ALMS1: variants seen among roughly 807,000 people sequenced by gnomAD.
The protein encoded by ALMS1 is ALMS1 centrosome and basal body associated protein, also known as centrosome-associated protein ALMS1.
Under a neutral mutation model 352.2 loss-of-function variants are expected in ALMS1, and 271 were observed. The ratio of observed to expected loss-of-function variants is 0.77; its 90% CI spans 0.70 to 0.85. The LOEUF (loss-of-function observed/expected upper bound fraction) is 0.85. Ranked by LOEUF, ALMS1 falls within the 40% of genes least tolerant of loss-of-function variation. The probability of loss-of-function intolerance (pLI) is 0.00; values close to 1 mark genes in which losing one functional copy is unlikely to be tolerated. For synonymous variants in ALMS1, 1,865 were observed against 1,761.2 expected (o/e 1.06, Z -1.48); for missense variants, 5,445 against 4,870.7 (o/e 1.12, Z -3.51).
At chr2:73,400,948 G>A (rs879907403) in intron 1 of ALMS1, among the ~76,000 whole-genome samples, 7 of 152,096 alleles carry the variant, frequency 4.6e-5, no homozygotes, top group Non-Finnish European at 8.8e-5. Context: ...CACTATGCCC[G>A]GCTAATTTTT....
At chr2:73,484,768 T>A (rs905088413) in intron 9 of ALMS1, among the ~76,000 whole-genome samples, 3 of 152,206 alleles carry the variant, frequency 2.0e-5, no homozygotes, top group Non-Finnish European at 4.4e-5. Context: ...GAGGCTTTGC[T>A]CATTTCTTTT....
At chr2:73,600,325 C>T (rs1675648992) in intron 17 of ALMS1, among the ~76,000 whole-genome samples, 1 of 152,188 alleles carries the variant, frequency 6.6e-6, no homozygotes, top group East Asian at 1.9e-4. Flanking sequence ...ATCCTGTCTT[C>T]TGTCAGCCTC....
chr2:73,441,930 A>G (rs866845150), intron 7 of ALMS1, among the ~76,000 whole-genome samples: 45 of 152,244 alleles, frequency 3.0e-4, no homozygotes, highest in African/African-American at 1.1e-3. Flanking sequence ...ATATGGGGGA[A>G]GTGAGGTAAA....
intron 12 of ALMS1, among the ~76,000 whole-genome samples, chr2:73,548,571 T>G (rs528575473): frequency 6.6e-6 from 1 of 152,356 alleles, no homozygotes; most frequent in East Asian, 1.9e-4. Context: ...CACATGCTGC[T>G]GCTGGTGTGT....
chr2:73,474,291 T>G (rs1012960737), intron 9 of ALMS1, among the ~76,000 whole-genome samples: 13 of 152,126 alleles, frequency 8.5e-5, no homozygotes, highest in African/African-American at 2.9e-4. Flanking sequence ...TATTGATTTT[T>G]AAGTAAGTTT....
intron 12 of ALMS1, among the ~76,000 whole-genome samples, 181 bp downstream of exon 12, chr2:73,535,130 A>G (rs895758140): frequency 7.2e-5 from 11 of 152,190 alleles, no homozygotes; most frequent in Admixed American, 2.6e-4. Context: ...ACACATAAGC[A>G]TTTATAAATA....
At chr2:73,500,319 C>T (rs1285142203) in intron 10 of ALMS1, among the ~76,000 whole-genome samples, 1 of 152,208 alleles carries the variant, frequency 6.6e-6, no homozygotes, top group Non-Finnish European at 1.5e-5. Context: ...CTGTTCACAT[C>T]TGTTGTCTGT....
Position 73,385,915 on chromosome 2 carries a change from AG to A in ALMS1, c.49del (p.Glu17ArgfsTer24), listed in dbSNP as rs752032517. 1.1e-4 allele frequency: 89 copies of A among 825,136 alleles called. 1 individual carries two copies. In the African/African-American group the frequency reaches 1.4e-3, roughly 13 times the overall value. 51.1% of individuals were successfully genotyped at this position (825,136 alleles called of 1,614,324 possible). A position where few individuals can be genotyped will look rare whatever the true frequency, so the allele number is the denominator to read the frequency against. ...LPWPGELEEEEEEEEEEEEEE... is the reference protein window; with the variant it reads ...LPWPGELEEEXEEEEEEEEEE... ...TGGCCGGGCGAGCTGGAGGAGGAGG[AG>A]GAGGAGGAGGAGGAGGAGGAGGAGG... On this transcript the variant is annotated frameshift_variant, in exon 1 of 23. Coordinates refer to ENST00000613296, the MANE Select transcript of ALMS1 (RefSeq NM_001378454.1). LOFTEE classifies it high-confidence loss of function.
chr2:73,467,485 A>G (rs1013913452), intron 9 of ALMS1, among the ~76,000 whole-genome samples: 7 of 152,142 alleles, frequency 4.6e-5, no homozygotes, highest in African/African-American at 1.7e-4. Context: ...AGCAACTGGA[A>G]TAGTCATTTA....
At chr2:73,600,982 C>T (rs544076702) in intron 18 of ALMS1, 101 bp downstream of exon 18, 1 of 1,431,472 alleles carries the variant, frequency 7.0e-7, no homozygotes, top group South Asian at 1.3e-5. Context: ...GTGGTCCCCA[C>T]CTACCCCCAG....
At chr2:73,511,122 C>T (rs753619765) in intron 10 of ALMS1, among the ~76,000 whole-genome samples, 2 of 152,204 alleles carry the variant, frequency 1.3e-5, no homozygotes, top group African/African-American at 4.8e-5. Context: ...GCTTGCTGGA[C>T]TCCTTGGGGG....
Position 73,450,830 on chromosome 2 carries a change from C to T in ALMS1, c.4303C>T (p.Pro1435Ser), listed in dbSNP as rs1188394762. ...TACTTTCTACTCACACACAGAGAAGCCTGGTAGTTTCTACCAACAGGTCTT... is the reference window on the plus strand; with the variant it reads ...TACTTTCTACTCACACACAGAGAAGTCTGGTAGTTTCTACCAACAGGTCTT... The part of the protein sequence containing the change: ...PSTFYSHTEK[P>S]GSFYQQVLPH... Residue 1435 changes from proline to serine, a missense_variant, in exon 8 of 23, where the codon CCT becomes TCT. By Grantham distance (74) the Pro-to-Ser change is moderately conservative. Transcript: ENST00000613296. The T allele has an allele frequency of 1.9e-6, 3 of 1,614,066 alleles. No individual in the cohort carries two copies. Among genetic ancestry groups the T allele is most frequent in the Non-Finnish European group, 2.5e-6 (3 of 1,179,976 alleles).
chr2:73,507,412 C>A (rs528955245), intron 10 of ALMS1, among the ~76,000 whole-genome samples: 149 of 151,320 alleles, frequency 9.8e-4, no homozygotes, highest in Non-Finnish European at 1.9e-3. Context: ...TGGTCCTGGG[C>A]TTTTCTTGGT....
intron 2 of ALMS1, among the ~76,000 whole-genome samples, chr2:73,414,473 G>GTTTTTTTTTTTTTTTTTTTTTTTTTTC (rs61660489): frequency 3.0e-5 from 2 of 66,416 alleles, no homozygotes; most frequent in African/African-American, 4.3e-5. Flanking sequence ...CTTTTTTTCC[G>GTTTTTTTTTTTTTTTTTTTTTTTTTTC]TTTTTTTTTT....
In ALMS1 at chr2:73,450,232, C is replaced by T; in HGVS notation, c.3705C>T (p.Thr1235=). Residue 1235 remains threonine (T), a synonymous_variant, in exon 8 of 23, where the codon ACC becomes ACT. Transcript: ENST00000613296. ...ADQKTGTPTP[T]SASYSHTEKP... ...AGAAGACTGGGACACCAACTCCAAC[C>T]TCTGCTTCTTACTCACACACAGAGA... is the stretch of plus-strand genomic sequence containing the variant. 1 of 1,614,024 alleles carries T rather than the reference C, an allele frequency of 6.2e-7. No individual in the cohort carries two copies. Among genetic ancestry groups the T allele is most frequent in the Non-Finnish European group, 8.5e-7 (1 of 1,179,962 alleles).
intron 7 of ALMS1, among the ~76,000 whole-genome samples, chr2:73,436,308 G>A (rs1024047151): frequency 6.6e-6 from 1 of 152,108 alleles, no homozygotes; most frequent in Non-Finnish European, 1.5e-5. Context: ...TCCAAGATAT[G>A]CTCTTTGTCT....
At chr2:73,486,128 C>CT (rs958460160) in intron 9 of ALMS1, among the ~76,000 whole-genome samples, 4 of 151,518 alleles carry the variant, frequency 2.6e-5, no homozygotes, top group East Asian at 1.9e-4. Context: ...ATTGGATTGT[C>CT]TTTTTTTTCC....
At chr2:73,386,880 C>T (rs943357589) in intron 1 of ALMS1, among the ~76,000 whole-genome samples, 1 of 152,148 alleles carries the variant, frequency 6.6e-6, no homozygotes, top group Non-Finnish European at 1.5e-5. Flanking sequence ...CCTTACCCCC[C>T]TTTTTTTAAC....
rs527321835 is a variant in ALMS1, at chr2:73,419,470, T to G, written c.646+152T>G. On this transcript the variant is annotated intron_variant, in intron 3 of 22. Transcript: ENST00000613296. The stretch of plus-strand genomic sequence containing the variant: ...CTTATTTCTGTTTTGTTTGTTTGTT[T>G]GTTTTTTACTGGCTAGCTGATCTAA... The G allele has an allele frequency of 1.1e-5, 8 of 714,984 alleles. No individual in the cohort carries two copies. The African/African-American group carries it at 1.4e-4, about 13-fold the overall frequency. 44.3% of individuals were successfully genotyped at this position (714,984 alleles called of 1,614,324 possible).
Sources: allele counts gnomAD v4.1 joint callset (sites outside exome capture counted in the v4.1 genomes callset), GRCh38; gene constraint gnomAD v4.1.1; transcripts MANE v1.5; gene names NCBI Gene and HGNC (gene_info 2026-07-23, HGNC 2026-07-21).